Variants in SH3GL2 observed in about 807,000 individuals in gnomAD.
The protein encoded by SH3GL2 is SH3 domain containing GRB2 like 2, endophilin A1, also known as endophilin-A1.
SH3GL2 carries 24 observed loss-of-function variants against 46.0 expected under a neutral mutation model. The ratio of observed to expected loss-of-function variants is 0.52; its 90% CI spans 0.38 to 0.73. The LOEUF is 0.73. SH3GL2 is among the 30% of genes least tolerant of loss of function. The pLI is 0.00. For synonymous variants in SH3GL2, 196 were observed against 147.1 expected (o/e 1.33, Z -2.40); for missense variants, 413 against 424.2 (o/e 0.97, Z 0.23).
intron 3 of SH3GL2, among the ~76,000 whole-genome samples, chr9:17,764,634 G>T (rs1488420789): frequency 6.6e-6 from 1 of 151,248 alleles, no homozygotes; most frequent in East Asian, 2.0e-4. Flanking sequence ...ATGCTTCGAG[G>T]GTACTTTGGG....
Position 17,795,866 on chromosome 9 carries a change from A to G in SH3GL2, c.*123A>G, listed in dbSNP as rs1411083229. On this transcript the variant is annotated 3_prime_UTR_variant, in exon 9 of 9. Transcript: ENST00000380607. ...GCAGTGGTCCACGTCATCCAGCCCC[A>G]CCAAGTGACTTTGGTTGACTTGTGG... 1.2e-4 allele frequency: 89 copies of G among 754,790 alleles called. No homozygotes were observed. Among genetic ancestry groups the G allele is most frequent in the Non-Finnish European group, 3.0e-5 (14 of 462,054 alleles). The allele number at this position is 754,790 out of a possible 1,614,324, so 46.8% of individuals were successfully genotyped here.
In SH3GL2 at chr9:17,658,600, C is replaced by G. The variant is rs562316291; in HGVS notation, c.45+79313C>G. Among the ~76,000 whole-genome samples the G allele has an allele frequency of 4.6e-5, 7 of 152,344 alleles. No homozygotes were observed. In the South Asian group the frequency reaches 1.2e-3, roughly 27 times the overall value. ...ATAAAATAACATTGTGAGATTTCCT[C>G]TAGCAATTTTAAACTTAAACTAGAT... On this transcript the variant is annotated intron_variant, in intron 1 of 8. Coordinates refer to ENST00000380607, the MANE Select transcript of SH3GL2 (RefSeq NM_003026.5).
At chr9:17,726,582 C>T (rs1477201383) in intron 1 of SH3GL2, among the ~76,000 whole-genome samples, 3 of 152,008 alleles carry the variant, frequency 2.0e-5, no homozygotes, top group African/African-American at 7.2e-5. Flanking sequence ...AACTACTACA[C>T]GACACACGAA....
At chr9:17,680,880 G>A (rs944431742) in intron 1 of SH3GL2, among the ~76,000 whole-genome samples, 17 of 151,946 alleles carry the variant, frequency 1.1e-4, no homozygotes, top group African/African-American at 1.7e-4. Context: ...CCTTCATTTC[G>A]TTATGTACCC....
Position 17,767,662 on chromosome 9 carries a change from A to G in SH3GL2, c.187+6153A>G, listed in dbSNP as rs111839642. ...CTGGTGAATAGGTGTATGAATGAAT[A>G]TATCCATCCTTCACTTAAAGAATAA... On this transcript the variant is annotated intron_variant, in intron 3 of 8. Coordinates refer to ENST00000380607, the MANE Select transcript of SH3GL2 (RefSeq NM_003026.5). Among the ~76,000 whole-genome samples the G allele has an allele frequency of 7.1e-3, 1,089 of 152,312 alleles. 11 individuals carry two copies. Among genetic ancestry groups the G allele is most frequent in the African/African-American group, 0.025 (1,026 of 41,574 alleles).
At chr9:17,719,086 A>AT (rs1563825640) in intron 1 of SH3GL2, among the ~76,000 whole-genome samples, 1 of 152,108 alleles carries the variant, frequency 6.6e-6, no homozygotes, top group Admixed American at 6.6e-5. Flanking sequence ...CTGATCTTGA[A>AT]TGGGTTACTT....
At chr9:17,746,267 G>A (rs563752164) in intron 1 of SH3GL2, among the ~76,000 whole-genome samples, 2 of 152,098 alleles carry the variant, frequency 1.3e-5, no homozygotes, top group African/African-American at 2.4e-5. Context: ...TGGTAGAGAC[G>A]GGGTTTCACC....
intron 1 of SH3GL2, among the ~76,000 whole-genome samples, chr9:17,717,332 A>G (rs1247990666): frequency 6.6e-6 from 1 of 152,118 alleles, no homozygotes; most frequent in Non-Finnish European, 1.5e-5. Context: ...TTTTCATATT[A>G]CCTGAAATCG....
At chr9:17,771,761 C>G (rs1588320974) in intron 3 of SH3GL2, among the ~76,000 whole-genome samples, 1 of 152,122 alleles carries the variant, frequency 6.6e-6, no homozygotes. Context: ...AGCACAGGGT[C>G]TTAATATCCC....
intron 2 of SH3GL2, among the ~76,000 whole-genome samples, chr9:17,751,043 A>T (rs895433616): frequency 6.6e-6 from 1 of 152,202 alleles, no homozygotes; most frequent in Admixed American, 6.5e-5. Context: ...GTTAATTCAG[A>T]ATTCTAAGCT....
intron 1 of SH3GL2, among the ~76,000 whole-genome samples, chr9:17,638,754 T>C (rs376703013): frequency 1.3e-5 from 2 of 152,300 alleles, no homozygotes; most frequent in South Asian, 2.1e-4. Flanking sequence ...TCCCCTCAGC[T>C]AAGCTGCCAA....
chr9:17,629,807 G>A (rs1213787108), intron 1 of SH3GL2, among the ~76,000 whole-genome samples: 4 of 152,194 alleles, frequency 2.6e-5, no homozygotes, highest in African/African-American at 9.7e-5. Context: ...GTGTCCAGGT[G>A]TCTCAGTCCA....
intron 3 of SH3GL2, among the ~76,000 whole-genome samples, chr9:17,766,579 G>A (rs936383625): frequency 6.6e-6 from 1 of 152,106 alleles, no homozygotes; most frequent in African/African-American, 2.4e-5. Flanking sequence ...CATTATACAA[G>A]TAAAGAGAAA....
intron 1 of SH3GL2, among the ~76,000 whole-genome samples, chr9:17,731,645 T>C (rs534395301): frequency 1.7e-4 from 26 of 152,224 alleles, no homozygotes; most frequent in Non-Finnish European, 2.6e-4. Flanking sequence ...AATTCTATTG[T>C]TTAAGCTTAC....
At chr9:17,766,160 G>A (rs558778183) in intron 3 of SH3GL2, among the ~76,000 whole-genome samples, 1 of 152,182 alleles carries the variant, frequency 6.6e-6, no homozygotes, top group Non-Finnish European at 1.5e-5. Context: ...AGCCCAGAAG[G>A]CTTCACAGCT....
intron 1 of SH3GL2, among the ~76,000 whole-genome samples, chr9:17,586,943 A>C (rs1818388180): frequency 6.6e-6 from 1 of 152,242 alleles, no homozygotes; most frequent in South Asian, 2.1e-4. Context: ...GCGGTGGCTC[A>C]TGCCTGCAAT....
intron 1 of SH3GL2, among the ~76,000 whole-genome samples, chr9:17,665,491 G>A (rs1008777588): frequency 1.3e-5 from 2 of 152,024 alleles, no homozygotes; most frequent in African/African-American, 4.8e-5. Context: ...CTTCATAATA[G>A]TATTCAGGTG....
At chr9:17,636,972 C>A (rs1170098510) in intron 1 of SH3GL2, among the ~76,000 whole-genome samples, 1 of 152,218 alleles carries the variant, frequency 6.6e-6, no homozygotes, top group African/African-American at 2.4e-5. Context: ...AATTTTCTTA[C>A]AATTTGCTTG....
intron 1 of SH3GL2, among the ~76,000 whole-genome samples, chr9:17,613,084 C>T (rs1280916727): frequency 6.6e-6 from 1 of 152,120 alleles, no homozygotes; most frequent in Non-Finnish European, 1.5e-5. Flanking sequence ...CACCTTTATC[C>T]TAAGCTTTGA....
Sources: allele counts gnomAD v4.1 joint callset (sites outside exome capture counted in the v4.1 genomes callset), GRCh38; gene constraint gnomAD v4.1.1; transcripts MANE v1.5; gene names NCBI Gene and HGNC (gene_info 2026-07-23, HGNC 2026-07-21).